NTM: variants seen among roughly 807,000 people sequenced by gnomAD.
NTM encodes neurotrimin.
In NTM, 13 loss-of-function variants were observed where a neutral mutation model predicts 42.1. That is an observed-to-expected ratio of 0.31 (90% CI 0.20 to 0.49). The LOEUF (loss-of-function observed/expected upper bound fraction) is 0.49, where lower values mean the gene tolerates loss of function less well. Ranked by LOEUF, NTM falls within the 20% of genes least tolerant of loss-of-function variation. The pLI is 0.99. For synonymous variants in NTM, 187 were observed against 179.2 expected, an observed-to-expected ratio of 1.04 and a Z score of -0.35; for missense variants, 373 against 452.8, an observed-to-expected ratio of 0.82 and a Z score of 1.60.
intron 3 of NTM, among the ~76,000 whole-genome samples, chr11:132,178,530 C>T (rs960636665): frequency 2.6e-5 from 4 of 151,908 alleles, no homozygotes; most frequent in African/African-American, 4.8e-5. Context: ...TATAAGATTC[C>T]TCAAATTTAT....
chr11:131,710,355 T>C (rs1043130247), intron 1 of NTM, among the ~76,000 whole-genome samples: 43 of 152,156 alleles, frequency 2.8e-4, no homozygotes, highest in Admixed American at 2.5e-3. Flanking sequence ...CAAGAATATT[T>C]AAGGTGATGC....
chr11:132,319,554 A>G (rs539181718), intron 7 of NTM, among the ~76,000 whole-genome samples: 10 of 152,344 alleles, frequency 6.6e-5, no homozygotes, highest in Admixed American at 1.3e-4. Flanking sequence ...ACTGCAAGGC[A>G]GCAGCAAGGC....
At chr11:132,265,021 C>G (rs748304478) in intron 4 of NTM, among the ~76,000 whole-genome samples, 2 of 152,154 alleles carry the variant, frequency 1.3e-5, no homozygotes, top group Non-Finnish European at 2.9e-5. Context: ...GATGAAGGTT[C>G]CACCACATGG....
chr11:131,589,881 T>C (rs529526983), intron 1 of NTM, among the ~76,000 whole-genome samples: 8 of 152,240 alleles, frequency 5.3e-5, no homozygotes, highest in African/African-American at 1.9e-4. Context: ...TCGATCCCCA[T>C]ATAAGTAGTA....
At chr11:132,140,132 G>A (rs2068784384) in intron 2 of NTM, among the ~76,000 whole-genome samples, 1 of 152,172 alleles carries the variant, frequency 6.6e-6, no homozygotes, top group Non-Finnish European at 1.5e-5. Flanking sequence ...GAAACCCAGT[G>A]GAGTGAGATA....
At chr11:131,668,426 C>G (rs1272347432) in intron 1 of NTM, among the ~76,000 whole-genome samples, 1 of 151,980 alleles carries the variant, frequency 6.6e-6, no homozygotes, top group African/African-American at 2.4e-5. Context: ...GTTACAAGTC[C>G]CTAAGTGGTT....
chr11:132,168,117 T>C (rs2075563789), intron 3 of NTM, among the ~76,000 whole-genome samples: 1 of 152,182 alleles, frequency 6.6e-6, no homozygotes, highest in African/African-American at 2.4e-5. Context: ...TTGGTGGCAA[T>C]TGGCATTCCT....
intron 2 of NTM, among the ~76,000 whole-genome samples, chr11:132,092,570 T>C (rs925171933): frequency 2.0e-5 from 3 of 152,122 alleles, no homozygotes; most frequent in African/African-American, 7.2e-5. Context: ...AGTATTGGTG[T>C]CCCCCAGGCG....
intron 7 of NTM, among the ~76,000 whole-genome samples, chr11:132,320,482 G>A (rs903330207): frequency 4.6e-5 from 7 of 152,152 alleles, no homozygotes; most frequent in Non-Finnish European, 7.3e-5. Context: ...CTTAAAAAAC[G>A]GCGCACCATG....
At chr11:131,787,376 A>ATTATT (rs1055859683) in intron 1 of NTM, among the ~76,000 whole-genome samples, 102 of 148,036 alleles carry the variant, frequency 6.9e-4, no homozygotes, top group African/African-American at 2.5e-3. Flanking sequence ...TATTATTATT[A>ATTATT]TTATTTTATT....
At chr11:131,789,421 AAG>A (rs1362429458) in intron 1 of NTM, among the ~76,000 whole-genome samples, 4 of 27,170 alleles carry the variant, frequency 1.5e-4, no homozygotes, top group African/African-American at 5.9e-4. Flanking sequence ...AAAAGAAAAA[AAG>A]AAGAAGGAAG....
At chr11:131,734,877 A>G (rs2135520997) in intron 1 of NTM, among the ~76,000 whole-genome samples, 1 of 152,364 alleles carries the variant, frequency 6.6e-6, no homozygotes, top group Non-Finnish European at 1.5e-5. Context: ...AATAAGAACA[A>G]AGAATAATTA....
At chr11:131,544,998 A>C (rs2053741706) in intron 1 of NTM, among the ~76,000 whole-genome samples, 1 of 152,090 alleles carries the variant, frequency 6.6e-6, no homozygotes, top group Non-Finnish European at 1.5e-5. Context: ...TGTTAATCCC[A>C]TCCTTCTTTT....
chr11:132,150,620 G>A (rs1043155250), intron 3 of NTM, among the ~76,000 whole-genome samples: 1 of 152,170 alleles, frequency 6.6e-6, no homozygotes, highest in African/African-American at 2.4e-5. Context: ...GAAAAAGATG[G>A]AGTAATGGAT....
At chr11:131,694,663 G>A (rs1047267802) in intron 1 of NTM, among the ~76,000 whole-genome samples, 2 of 152,218 alleles carry the variant, frequency 1.3e-5, no homozygotes, top group African/African-American at 2.4e-5. Context: ...CCACGGGCTG[G>A]CAGTACCTCC....
intron 1 of NTM, among the ~76,000 whole-genome samples, chr11:131,683,578 T>C (rs764630137): frequency 4.6e-5 from 7 of 152,218 alleles, no homozygotes; most frequent in Middle Eastern, 3.2e-3. Context: ...AAATAGACCC[T>C]GGATGTGTCC....
chr11:131,687,008 T>C (rs887954610), intron 1 of NTM, among the ~76,000 whole-genome samples: 3 of 152,126 alleles, frequency 2.0e-5, no homozygotes, highest in African/African-American at 7.2e-5. Flanking sequence ...AGGGCCACGT[T>C]CTGCCCCAGT....
At chr11:131,970,297 T>G (rs916537796) in intron 2 of NTM, among the ~76,000 whole-genome samples, 1 of 152,190 alleles carries the variant, frequency 6.6e-6, no homozygotes, top group Non-Finnish European at 1.5e-5. Context: ...GATTTGATTG[T>G]ATGTTTTCTG....
At position 132,101,556 on chromosome 11, in the gene NTM, T is replaced by TGTGTGTGTGTGTGTGTGTGTGTG. The variant is rs1555261897; in HGVS notation, c.168-44726_168-44725insGTGTGTGTGTGTGTGTGTGTGTG. ...TTTGGATAGACCAAGGAACACAACC[T>TGTGTGTGTGTGTGTGTGTGTGTG]TGTGTGTGTGTGTGTGTGTGTGTGT... On this transcript the variant is annotated intron_variant, in intron 2 of 8. Transcript: ENST00000683400. Among the ~76,000 whole-genome samples, 307 of 131,138 alleles carry TGTGTGTGTGTGTGTGTGTGTGTG rather than the reference T, an allele frequency of 2.3e-3. 2 individuals are homozygous for TGTGTGTGTGTGTGTGTGTGTGTG. Among genetic ancestry groups the TGTGTGTGTGTGTGTGTGTGTGTG allele is most frequent in the African/African-American group, 3.5e-3 (124 of 35,904 alleles). 86.0% of individuals were successfully genotyped at this position (131,138 alleles called of 152,430 possible).
Sources: gnomAD v4.1 joint callset for allele counts (sites outside exome capture counted in the v4.1 genomes callset) on GRCh38, gnomAD v4.1.1 for gene constraint, MANE v1.5 for transcripts, NCBI Gene and HGNC (gene_info 2026-07-23, HGNC 2026-07-21) for gene names.